CEP70: variants seen among roughly 807,000 people sequenced by gnomAD.
CEP70 encodes centrosomal protein of 70 kDa.
In CEP70, 70 loss-of-function variants were observed where a neutral mutation model predicts 90.9. That is an observed-to-expected ratio of 0.77 (90% CI 0.64 to 0.94). CEP70 has a LOEUF of 0.94. Among genes scored for constraint, CEP70 ranks in the 40% least tolerant of loss-of-function variants. CEP70 has a pLI of 0.00. For missense variants in CEP70, 648 were observed against 669.0 expected (o/e 0.97, Z 0.35); for synonymous variants, 220 against 228.3 (o/e 0.96, Z 0.33).
At chr3:138,572,194 G>T (rs1244753964) in intron 3 of CEP70, among the ~76,000 whole-genome samples, 1 of 152,180 alleles carries the variant, frequency 6.6e-6, no homozygotes, top group African/African-American at 2.4e-5. Context: ...CTATAAAAAG[G>T]AGCCCGTCCA....
chr3:138,502,381 T>C (rs1046047216), intron 13 of CEP70, among the ~76,000 whole-genome samples: 1 of 152,140 alleles, frequency 6.6e-6, no homozygotes, highest in African/African-American at 2.4e-5. Context: ...TTCTAACTTA[T>C]TTTAGTACTT....
At chr3:138,521,049 A>T (rs1204539781) in intron 11 of CEP70, among the ~76,000 whole-genome samples, 2 of 152,092 alleles carry the variant, frequency 1.3e-5, no homozygotes, top group Non-Finnish European at 2.9e-5. Context: ...ACCTCGAGTG[A>T]TCTGCCTGCC....
At chr3:138,529,821 G>T (rs1231466314) in intron 8 of CEP70, among the ~76,000 whole-genome samples, 1 of 152,136 alleles carries the variant, frequency 6.6e-6, no homozygotes, top group Non-Finnish European at 1.5e-5. Flanking sequence ...TTTAAAAAAT[G>T]CATTCTCCAC....
intron 6 of CEP70, among the ~76,000 whole-genome samples, chr3:138,558,222 G>A (rs1428626648): frequency 6.6e-6 from 1 of 152,116 alleles, no homozygotes. Flanking sequence ...AAAATTAACT[G>A]GGCGTGCTGG....
chr3:138,499,232 A>C (rs995967545), intron 16 of CEP70, among the ~76,000 whole-genome samples: 5 of 150,732 alleles, frequency 3.3e-5, no homozygotes, highest in African/African-American at 9.8e-5. Context: ...GTTTCCCTTC[A>C]CATATGCTGT....
chr3:138,563,347 G>A (rs1239223787), intron 6 of CEP70, among the ~76,000 whole-genome samples: 2 of 152,118 alleles, frequency 1.3e-5, no homozygotes, highest in Non-Finnish European at 2.9e-5. Flanking sequence ...GGACCATGCA[G>A]ACCTAATAGA....
intron 11 of CEP70, among the ~76,000 whole-genome samples, chr3:138,517,106 G>A (rs369282503): frequency 1.3e-5 from 2 of 152,114 alleles, no homozygotes; most frequent in South Asian, 2.1e-4. Flanking sequence ...AGCAAAAATT[G>A]GAGGCTTGTC....
At chr3:138,496,233 A>G (rs918798947) in intron 17 of CEP70, 5 of 985,068 alleles carry the variant, frequency 5.1e-6, no homozygotes, top group East Asian at 1.1e-4. Flanking sequence ...TTGGATTCCA[A>G]CTCTCTCCAT....
intron 2 of CEP70, among the ~76,000 whole-genome samples, chr3:138,588,505 TAGTC>T (rs1368702694): frequency 6.6e-6 from 1 of 152,170 alleles, no homozygotes; most frequent in East Asian, 1.9e-4. Flanking sequence ...TAAACATTGT[TAGTC>T]AGGAGGGAAA....
rs1241477842 is a variant in CEP70 at position 138,570,561 on chromosome 3, A to G, written c.285-63T>C. On this transcript the variant is annotated intron_variant, in intron 5 of 17. Coordinates refer to ENST00000264982, the MANE Select transcript of CEP70 (RefSeq NM_024491.4). ...AAAAATAAATCGAATTACCAAGCAT[A>G]TCCATATAAGAATGTATTGCCTTTC... 3.1e-6 allele frequency: 4 copies of G among 1,306,078 alleles called. No individual in the cohort carries two copies. The Admixed American group carries it at 9.1e-5, about 30-fold the overall frequency. The allele number at this position is 1,306,078 out of a possible 1,614,324, so 80.9% of individuals were successfully genotyped here. A position where few individuals can be genotyped will look rare whatever the true frequency, so the allele number is the denominator to read the frequency against.
intron 11 of CEP70, among the ~76,000 whole-genome samples, chr3:138,510,338 CA>C (rs567482361): frequency 1.3e-3 from 193 of 151,218 alleles, no homozygotes; most frequent in African/African-American, 3.9e-3. Flanking sequence ...GAGGCTGAGG[CA>C]AAAGAATCGC....
chr3:138,500,693 A>C (rs2034426311), intron 14 of CEP70, 42 bp downstream of exon 14: 4 of 1,528,668 alleles, frequency 2.6e-6, no homozygotes, highest in Non-Finnish European at 3.5e-6. Context: ...TCAGTTTTTG[A>C]GATAAGAAAC....
intron 13 of CEP70, among the ~76,000 whole-genome samples, chr3:138,503,477 G>A (rs2034700785): frequency 6.6e-6 from 1 of 152,050 alleles, no homozygotes; most frequent in Non-Finnish European, 1.5e-5. Flanking sequence ...ACTAATCTGG[G>A]AAGATGGTTG....
chr3:138,581,666 G>A (rs1238633768), intron 2 of CEP70, among the ~76,000 whole-genome samples: 3 of 129,230 alleles, frequency 2.3e-5, no homozygotes, highest in East Asian at 2.5e-4. Flanking sequence ...TCGCACCTGA[G>A]TCAGGGTGAC....
intron 11 of CEP70, among the ~76,000 whole-genome samples, chr3:138,517,289 C>A (rs763926936): frequency 5.3e-5 from 8 of 152,158 alleles, no homozygotes; most frequent in Non-Finnish European, 8.8e-5. Context: ...ACCAGAAACA[C>A]CCCCTTTTAA....
intron 3 of CEP70, among the ~76,000 whole-genome samples, chr3:138,572,196 G>C (rs188064709): frequency 1.1e-4 from 16 of 152,300 alleles, no homozygotes; most frequent in Admixed American, 2.0e-4. Context: ...ATAAAAAGGA[G>C]CCCGTCCATC....
At chr3:138,536,421 G>C (rs952973228) in intron 7 of CEP70, among the ~76,000 whole-genome samples, 3 of 151,872 alleles carry the variant, frequency 2.0e-5, no homozygotes, top group African/African-American at 7.3e-5. Context: ...AAAAGAAATT[G>C]AAACAAACCT....
intron 2 of CEP70, among the ~76,000 whole-genome samples, chr3:138,584,842 T>A (rs1279112028): frequency 6.6e-6 from 1 of 151,734 alleles, no homozygotes; most frequent in Non-Finnish European, 1.5e-5. Context: ...ACAGGCAGTA[T>A]CACACTGAAT....
Position 138,574,879 on chromosome 3 carries a change from TAACA to T in CEP70, c.-5-1951_-5-1948del, listed in dbSNP as rs542241347. 4.9e-4 allele frequency among the ~76,000 whole-genome samples: 74 copies of T among 152,102 alleles called. 1 individual carries two copies. In the East Asian group the frequency reaches 0.014, roughly 29 times the overall value. Reference sequence around the variant, plus strand: ...GGGACCTAACTGTTAGAAGGAAAACTAACAAACAGAAAGGAAAAGCATCAACATT... The same window carrying T: ...GGGACCTAACTGTTAGAAGGAAAACTAACAGAAAGGAAAAGCATCAACATT... On this transcript the variant is annotated intron_variant, in intron 2 of 17. Transcript: ENST00000264982.
Sources: allele counts gnomAD v4.1 joint callset (sites outside exome capture counted in the v4.1 genomes callset), GRCh38; gene constraint gnomAD v4.1.1; transcripts MANE v1.5; gene names NCBI Gene and HGNC (gene_info 2026-07-23, HGNC 2026-07-21).